Variants in CKAP2L observed in about 807,000 individuals in gnomAD.
CKAP2L encodes the protein cytoskeleton associated protein 2L.
CKAP2L carries 42 observed loss-of-function variants against 65.7 expected under a neutral mutation model. That is an observed-to-expected ratio of 0.64 (90% CI 0.50 to 0.83). The LOEUF is 0.83. Among genes scored for constraint, CKAP2L ranks in the 40% least tolerant of loss-of-function variants. CKAP2L has a pLI of 0.00. For missense variants in CKAP2L, 908 were observed against 871.0 expected (o/e 1.04, Z -0.53); for synonymous variants, 325 against 313.5 (o/e 1.04, Z -0.39).
At chr2:112,745,149 A>T (rs762651186) in intron 6 of CKAP2L, among the ~76,000 whole-genome samples, 2 of 152,184 alleles carry the variant, frequency 1.3e-5, no homozygotes, top group Non-Finnish European at 2.9e-5. Flanking sequence ...AATAAGCCAG[A>T]AGGGTCTAGG....
chr2:112,739,418 T>A (rs1283739699), intron 8 of CKAP2L, among the ~76,000 whole-genome samples: 4 of 151,950 alleles, frequency 2.6e-5, no homozygotes, highest in Non-Finnish European at 5.9e-5. Context: ...AAGACCCCAG[T>A]CTCAAAAAAA....
chr2:112,743,419 C>T (rs138796085), intron 6 of CKAP2L, among the ~76,000 whole-genome samples: 3,865 of 152,100 alleles, frequency 0.025, 78 homozygotes, highest in Admixed American at 0.039. Context: ...TGGGATTACA[C>T]GAGTGAGCCA....
At chr2:112,753,577 G>GAGTGA (rs1187879368) in intron 4 of CKAP2L, among the ~76,000 whole-genome samples, 1 of 136,760 alleles carries the variant, frequency 7.3e-6, no homozygotes, top group Non-Finnish European at 1.5e-5. Flanking sequence ...GCCCAGGCTG[G>GAGTGA]AGTGAAGTGG....
At chr2:112,748,205 T>A (rs1275647372) in intron 5 of CKAP2L, among the ~76,000 whole-genome samples, 1 of 152,062 alleles carries the variant, frequency 6.6e-6, no homozygotes, top group East Asian at 1.9e-4. Context: ...GGCTCTCAGA[T>A]AGTTAAGCAG....
At chr2:112,762,427 A>AT in intron 2 of CKAP2L, 76 bp downstream of exon 2, 8 of 1,135,492 alleles carry the variant, frequency 7.0e-6, no homozygotes, top group Non-Finnish European at 1.1e-5. Context: ...CAAAAGGGAC[A>AT]TTTTTCAAAA....
intron 6 of CKAP2L, 33 bp from the exon 7 acceptor site, chr2:112,742,802 A>T: frequency 6.6e-7 from 1 of 1,516,386 alleles, no homozygotes; most frequent in Non-Finnish European, 9.0e-7. Context: ...ACAAAATCTT[A>T]AAAACATTCA....
At chr2:112,747,488 T>C (rs964155473) in intron 5 of CKAP2L, among the ~76,000 whole-genome samples, 5 of 152,112 alleles carry the variant, frequency 3.3e-5, no homozygotes, top group African/African-American at 1.2e-4. Context: ...GCGAAGGTCA[T>C]AGGGGTGTAT....
chr2:112,739,178 A>G, intron 8 of CKAP2L, 130 bp from the exon 9 acceptor site: 1 of 719,062 alleles, frequency 1.4e-6, no homozygotes, highest in African/African-American at 1.8e-5. Flanking sequence ...AGATATGTCT[A>G]GAGCAGCTTT....
intron 5 of CKAP2L, among the ~76,000 whole-genome samples, chr2:112,750,365 G>A (rs535793482): frequency 8.3e-4 from 126 of 152,334 alleles, no homozygotes; most frequent in African/African-American, 2.8e-3. Flanking sequence ...AGAGTGAGAA[G>A]TGCCTGACAA....
intron 4 of CKAP2L, among the ~76,000 whole-genome samples, chr2:112,755,442 A>G (rs1680500382): frequency 6.6e-6 from 1 of 152,044 alleles, no homozygotes; most frequent in African/African-American, 2.4e-5. Flanking sequence ...GCCCGGCCTA[A>G]GATCTTGATT....
In CKAP2L at chr2:112,764,580, TAGGCCC is replaced by T; in HGVS notation, c.13_18del (p.Gly5_Pro6del). ...TACTCACCGACAGCGGCAGCAGCGG[TAGGCCC>T]GGGCCCCACCATGACTCTTCAGTGA... On this transcript the variant is annotated inframe_deletion, in exon 1 of 9. Transcript: ENST00000302450. 1 of 1,614,044 alleles carries T rather than the reference TAGGCCC, an allele frequency of 6.2e-7. No homozygotes were observed. Among genetic ancestry groups the T allele is most frequent in the Non-Finnish European group, 8.5e-7 (1 of 1,179,996 alleles).
intron 4 of CKAP2L, among the ~76,000 whole-genome samples, chr2:112,753,526 C>CTTTTTTTTTTTTTT (rs59027525): frequency 2.5e-4 from 25 of 100,392 alleles, no homozygotes; most frequent in Non-Finnish European, 3.1e-4. Flanking sequence ...AGTTTCTTTT[C>CTTTTTTTTTTTTTT]TTTTTTTTTT....
chr2:112,740,975 T>C lies in CKAP2L; in HGVS notation c.1855A>G (p.Ser619Gly). Residue 619 changes from serine (S) to glycine (G), a missense_variant, in exon 8 of 9, where the codon AGT becomes GGT. Transcript: ENST00000302450. Reference protein sequence around the residue: ...ITSDSLVAETSITSVEELAKK... With the variant: ...ITSDSLVAETGITSVEELAKK... Reference sequence around the variant, plus strand: ...GCCAGCTCTTCCACTGATGTTATACTAGTTTCAGCAACTAAAGAGTCAGAA... The same window carrying C: ...GCCAGCTCTTCCACTGATGTTATACCAGTTTCAGCAACTAAAGAGTCAGAA... The C allele has an allele frequency of 6.2e-7, 1 of 1,613,468 alleles. No homozygotes were observed. Among genetic ancestry groups the C allele is most frequent in the Admixed American group, 1.7e-5 (1 of 60,014 alleles).
Position 112,738,973 on chromosome 2 carries a change from T to A in CKAP2L, c.2088A>T (p.Ala696=). 1 of 1,614,228 alleles carries A rather than the reference T, an allele frequency of 6.2e-7. No individual in the cohort carries two copies. Among genetic ancestry groups the A allele is most frequent in the Non-Finnish European group, 8.5e-7 (1 of 1,180,032 alleles). Residue 696 remains alanine, a synonymous_variant, in exon 9 of 9, where the codon GCA becomes GCT. Transcript: ENST00000302450. ...GCAGCATTTCTGGGTAGCGGGACAC[T>A]GCTCGCTCAATCCTCGACGAACGCC... ...PVRRSSRIER[A]VSRYPEMLQE... is the part of the protein sequence containing the mutation.
intron 8 of CKAP2L, 33 bp from the exon 9 acceptor site, chr2:112,739,081 T>C (rs374466459): frequency 6.7e-7 from 1 of 1,483,900 alleles, no homozygotes; most frequent in African/African-American, 1.4e-5. Context: ...TTAAAAACCT[T>C]ATCATTTAAA....
intron 2 of CKAP2L, 77 bp from the exon 3 acceptor site, chr2:112,760,841 A>C: frequency 1.3e-6 from 1 of 741,014 alleles, no homozygotes; most frequent in South Asian, 1.7e-5. Flanking sequence ...GTGATTAAAA[A>C]TTATGAATAG....
intron 6 of CKAP2L, among the ~76,000 whole-genome samples, chr2:112,745,359 A>G (rs1439383688): frequency 6.6e-6 from 1 of 152,076 alleles, no homozygotes; most frequent in Admixed American, 6.6e-5. Flanking sequence ...CATAGTATAT[A>G]TTGCATGGCT....
chr2:112,759,197 T>C (rs1295035900), intron 3 of CKAP2L, among the ~76,000 whole-genome samples: 2 of 152,004 alleles, frequency 1.3e-5, no homozygotes, highest in Non-Finnish European at 2.9e-5. Context: ...TTTCACAAGA[T>C]AGTTTTGATT....
At chr2:112,741,914 C>A (rs1337895962) in intron 7 of CKAP2L, among the ~76,000 whole-genome samples, 1 of 151,002 alleles carries the variant, frequency 6.6e-6, no homozygotes, top group Non-Finnish European at 1.5e-5. Context: ...GCACGCACCA[C>A]CACAACTGGC....
Sources: allele counts gnomAD v4.1 joint callset (sites outside exome capture counted in the v4.1 genomes callset), GRCh38; gene constraint gnomAD v4.1.1; transcripts MANE v1.5; gene names NCBI Gene and HGNC (gene_info 2026-07-23, HGNC 2026-07-21).